Variants in WWTR1 observed in about 807,000 individuals in gnomAD.
The protein encoded by WWTR1 is WW domain containing transcription regulator 1.
A neutral mutation model predicts 40.1 loss-of-function variants in WWTR1; 13 were observed. The observed-to-expected ratio is 0.32, with a 90% CI of 0.21 to 0.52. WWTR1 has a LOEUF of 0.52. WWTR1 is among the 20% of genes least tolerant of loss of function. The pLI is 0.97. For synonymous variants in WWTR1, 230 were observed against 210.1 expected (o/e 1.09, Z -0.82); for missense variants, 436 against 523.1 (o/e 0.83, Z 1.63).
intron 3 of WWTR1, among the ~76,000 whole-genome samples, chr3:149,555,246 T>G (rs1237385618): frequency 6.6e-6 from 1 of 152,200 alleles, no homozygotes; most frequent in Non-Finnish European, 1.5e-5. Context: ...TAGCATGCCC[T>G]TTTAGTAAAC....
chr3:149,674,536 G>T (rs1373894210), intron 1 of WWTR1, among the ~76,000 whole-genome samples: 2 of 151,732 alleles, frequency 1.3e-5, no homozygotes, highest in Admixed American at 6.6e-5. Flanking sequence ...GCAGTGAGCC[G>T]TGATCATACC....
intron 2 of WWTR1, among the ~76,000 whole-genome samples, chr3:149,664,896 A>G (rs1438510429): frequency 3.3e-5 from 5 of 151,966 alleles, no homozygotes; most frequent in Non-Finnish European, 7.4e-5. Flanking sequence ...GCCAGAAGGC[A>G]CTATCTTTTG....
intron 3 of WWTR1, among the ~76,000 whole-genome samples, chr3:149,552,075 T>C (rs1361468822): frequency 6.9e-6 from 1 of 145,878 alleles, no homozygotes; most frequent in African/African-American, 2.6e-5. Context: ...GGAAAACCTT[T>C]CCTGTTGGAC....
chr3:149,656,939 T>A lies in WWTR1; in HGVS notation c.368A>T (p.Glu123Val). The change falls in exon 2 of 7, where the codon GAG becomes GTG. Residue 123 changes from glutamate to valine, a missense_variant. Transcript: ENST00000360632. ...LRQQSYDVTD[E>V]LPLPPGWEMT... Reference sequence around the variant, plus strand: ...CTCCCAGCCCGGGGGCAGTGGCAGCTCGTCGGTCACGTCGTAGGACTGCTG... The same window carrying A: ...CTCCCAGCCCGGGGGCAGTGGCAGCACGTCGGTCACGTCGTAGGACTGCTG... The A allele has an allele frequency of 6.3e-7, 1 of 1,575,650 alleles. No homozygotes were observed. Among genetic ancestry groups the A allele is most frequent in the Non-Finnish European group, 8.6e-7 (1 of 1,164,316 alleles).
chr3:149,614,434 T>C (rs915919104), intron 2 of WWTR1, among the ~76,000 whole-genome samples: 3 of 152,230 alleles, frequency 2.0e-5, no homozygotes, highest in South Asian at 4.1e-4. Context: ...ATAGCCTATA[T>C]GTGTAGTAGA....
intron 2 of WWTR1, among the ~76,000 whole-genome samples, chr3:149,592,789 C>G (rs1200715315): frequency 1.3e-5 from 2 of 152,096 alleles, no homozygotes; most frequent in Non-Finnish European, 2.9e-5. Context: ...TAAAGCTTCC[C>G]TTGGTTCGGG....
chr3:149,572,867 G>C lies in WWTR1; in HGVS notation c.565C>G (p.Leu189Val), dbSNP rs981487444. The change falls in exon 3 of 7, where the codon CTC becomes GTC. Residue 189 changes from leucine (L) to valine (V), a missense_variant. Coordinates refer to ENST00000360632, the MANE Select transcript of WWTR1 (RefSeq NM_015472.6). ...TTTAAAAAAGCTTGAGGCTTACCGAGATTTGGCTGGGATACTGCCATGGAC... is the reference window on the plus strand; with the variant it reads ...TTTAAAAAAGCTTGAGGCTTACCGACATTTGGCTGGGATACTGCCATGGAC... Reference protein sequence around the residue: ...QRSMAVSQPNLVMNHQHQQQM... With the variant: ...QRSMAVSQPNVVMNHQHQQQM... 4 of 1,613,682 alleles carry C rather than the reference G, an allele frequency of 2.5e-6. No homozygotes were observed. The highest frequency in any genetic ancestry group is 3.4e-6 in the Non-Finnish European group (4 of 1,179,976).
chr3:149,619,595 C>T (rs757520495), intron 2 of WWTR1, among the ~76,000 whole-genome samples: 1 of 152,150 alleles, frequency 6.6e-6, no homozygotes, highest in Non-Finnish European at 1.5e-5. Flanking sequence ...TGTATTCCAG[C>T]CTGGGTGACA....
intron 2 of WWTR1, among the ~76,000 whole-genome samples, chr3:149,654,670 G>C (rs1046207379): frequency 1.3e-5 from 2 of 152,072 alleles, no homozygotes; most frequent in African/African-American, 4.8e-5. Context: ...ATGTATAAAG[G>C]AATTTTTTTG....
In WWTR1 at chr3:149,680,310, G is replaced by A. The variant is rs1012013917; in HGVS notation, c.-107-10419C>T. On this transcript the variant is annotated intron_variant, in intron 1 of 7. Transcript: ENST00000465804. ...TGTAATCCCAGCACTTTGGGAGGCCGAGGCAGGCAGATCACCTGAGGTCAG... is the reference window on the plus strand; with the variant it reads ...TGTAATCCCAGCACTTTGGGAGGCCAAGGCAGGCAGATCACCTGAGGTCAG... Among the ~76,000 whole-genome samples the A allele has an allele frequency of 7.2e-5, 11 of 152,144 alleles. No individual in the cohort carries two copies. The East Asian group carries it at 1.7e-3, about 24-fold the overall frequency.
intron 1 of WWTR1, among the ~76,000 whole-genome samples, chr3:149,680,548 A>T (rs1483512400): frequency 6.8e-6 from 1 of 147,418 alleles, no homozygotes; most frequent in Non-Finnish European, 1.5e-5. Context: ...TGTCTCAAAA[A>T]AAACCAACCA....
chr3:149,718,281 G>A (rs1391621133), intron 4 of WWTR1, among the ~76,000 whole-genome samples: 5 of 152,044 alleles, frequency 3.3e-5, no homozygotes. Flanking sequence ...CAAGGAAGCA[G>A]ATTAAGAAAA....
chr3:149,647,660 G>A (rs762337918), intron 2 of WWTR1, among the ~76,000 whole-genome samples: 28 of 152,222 alleles, frequency 1.8e-4, no homozygotes, highest in Admixed American at 5.9e-4. Context: ...TTTTGGAACT[G>A]TACTTGCTAA....
chr3:149,523,536 C>G (rs1735159835), intron 6 of WWTR1, among the ~76,000 whole-genome samples: 1 of 152,186 alleles, frequency 6.6e-6, no homozygotes. Flanking sequence ...GTGTGAACCA[C>G]CGTGCCCAGC....
chr3:149,716,109 G>A (rs112108933), intron 5 of WWTR1, among the ~76,000 whole-genome samples: 3,132 of 152,194 alleles, frequency 0.021, 44 homozygotes, highest in East Asian at 0.063. Context: ...TGCGCCTGGC[G>A]TGGTGGCTCA....
At chr3:149,590,571 G>T (rs943811532) in intron 2 of WWTR1, among the ~76,000 whole-genome samples, 5 of 152,068 alleles carry the variant, frequency 3.3e-5, no homozygotes, top group Non-Finnish European at 7.4e-5. Flanking sequence ...GCTTGAACCC[G>T]GGAGGTGGAG....
chr3:149,633,503 T>C (rs1273719361), intron 2 of WWTR1, among the ~76,000 whole-genome samples: 5 of 152,154 alleles, frequency 3.3e-5, no homozygotes, highest in Non-Finnish European at 7.3e-5. Flanking sequence ...AAAAGTCCAA[T>C]ATTAGGCAAG....
Position 149,520,715 on chromosome 3 carries a change from G to A in WWTR1, c.*90C>T, listed in dbSNP as rs538240920. 2.5e-5 allele frequency: 31 copies of A among 1,244,466 alleles called. No homozygotes were observed. The highest frequency in any genetic ancestry group is 6.2e-5 in the African/African-American group (4 of 64,508). 77.1% of individuals were successfully genotyped at this position (1,244,466 alleles called of 1,614,324 possible). On this transcript the variant is annotated 3_prime_UTR_variant, in exon 7 of 7. Coordinates refer to ENST00000360632, the MANE Select transcript of WWTR1 (RefSeq NM_015472.6). The stretch of plus-strand genomic sequence containing the variant: ...ACGAGTCATGGAGGCGGGAAGTGGT[G>A]CACCTGCAGACTTGCTCTGCTCCAT...
chr3:149,675,982 G>A (rs1714245504), intron 1 of WWTR1, among the ~76,000 whole-genome samples: 1 of 152,172 alleles, frequency 6.6e-6, no homozygotes, highest in Admixed American at 6.5e-5. Flanking sequence ...TGGGATTACA[G>A]GCGTGAGCCA....
Sources: gnomAD v4.1 joint callset for allele counts (sites outside exome capture counted in the v4.1 genomes callset) on GRCh38, gnomAD v4.1.1 for gene constraint, MANE v1.5 for transcripts, NCBI Gene and HGNC (gene_info 2026-07-23, HGNC 2026-07-21) for gene names.